CEP112: variants seen among roughly 807,000 people sequenced by gnomAD.
The protein encoded by CEP112 is centrosomal protein 112.
In CEP112, 127 loss-of-function variants were observed where a neutral mutation model predicts 153.0. The observed-to-expected ratio is 0.83, with a 90% CI of 0.72 to 0.96. CEP112 has a LOEUF of 0.96. CEP112 is among the 40% of genes least tolerant of loss of function. The pLI is 0.00. For missense variants in CEP112, 1,089 were observed against 1,101.2 expected, an observed-to-expected ratio of 0.99 and a Z score of 0.16; for synonymous variants, 358 against 374.4, an observed-to-expected ratio of 0.96 and a Z score of 0.51.
chr17:65,987,407 T>C (rs1468951952), intron 17 of CEP112, among the ~76,000 whole-genome samples: 4 of 151,078 alleles, frequency 2.6e-5, no homozygotes, highest in Middle Eastern at 3.4e-3. Flanking sequence ...ACTAGAAATA[T>C]GAAAGAATGA....
At chr17:66,152,840 T>C (rs546303067) in intron 4 of CEP112, among the ~76,000 whole-genome samples, 4 of 152,288 alleles carry the variant, frequency 2.6e-5, no homozygotes, top group Admixed American at 2.6e-4. Flanking sequence ...GCTTGGCCCA[T>C]TGTATGTTGG....
chr17:65,840,853 C>G (rs2057489215), intron 21 of CEP112, among the ~76,000 whole-genome samples: 1 of 151,994 alleles, frequency 6.6e-6, no homozygotes, highest in South Asian at 2.1e-4. Flanking sequence ...TCTGAACAGA[C>G]ATTTTTCCAA....
chr17:65,986,913 TC>T (rs2063430299), intron 17 of CEP112, among the ~76,000 whole-genome samples: 1 of 152,020 alleles, frequency 6.6e-6, no homozygotes. Context: ...TATCAGAAAG[TC>T]CCTAGAAAAG....
intron 17 of CEP112, among the ~76,000 whole-genome samples, chr17:65,965,437 T>G (rs935549564): frequency 6.6e-6 from 1 of 152,032 alleles, no homozygotes; most frequent in Non-Finnish European, 1.5e-5. Context: ...GTGGCCTCAT[T>G]CAATGTAATT....
intron 24 of CEP112, among the ~76,000 whole-genome samples, chr17:65,677,501 C>T (rs191976381): frequency 1.3e-5 from 2 of 152,310 alleles, no homozygotes; most frequent in African/African-American, 4.8e-5. Flanking sequence ...AACAGGATAT[C>T]TACATGGAAC....
At chr17:65,875,388 T>C (rs1166481892) in intron 20 of CEP112, among the ~76,000 whole-genome samples, 1 of 152,094 alleles carries the variant, frequency 6.6e-6, no homozygotes, top group African/African-American at 2.4e-5. Flanking sequence ...ACCATTACAT[T>C]ATGACTTATG....
intron 18 of CEP112, among the ~76,000 whole-genome samples, chr17:65,936,429 A>G (rs2061309086): frequency 6.6e-6 from 1 of 152,182 alleles, no homozygotes; most frequent in Non-Finnish European, 1.5e-5. Flanking sequence ...CATAAGGCCA[A>G]TGTTACCCTG....
At chr17:66,156,124 T>G (rs1449852713) in intron 4 of CEP112, among the ~76,000 whole-genome samples, 3 of 152,078 alleles carry the variant, frequency 2.0e-5, no homozygotes, top group Non-Finnish European at 4.4e-5. Flanking sequence ...AGAAACCTCA[T>G]ACAGGAGAGC....
chr17:66,067,545 C>T (rs183301910), intron 9 of CEP112, among the ~76,000 whole-genome samples: 79 of 152,096 alleles, frequency 5.2e-4, no homozygotes, highest in African/African-American at 1.8e-3. Flanking sequence ...AATAGAAACT[C>T]GTAAAGAACC....
At chr17:66,005,610 G>A (rs2145441967) in intron 17 of CEP112, 80 bp downstream of exon 17, 1 of 1,495,872 alleles carries the variant, frequency 6.7e-7, no homozygotes, top group East Asian at 2.5e-5. Context: ...AAAATATAGT[G>A]TTTAGGTCCC....
chr17:65,916,904 T>G (rs560027335), intron 19 of CEP112, among the ~76,000 whole-genome samples: 1 of 152,002 alleles, frequency 6.6e-6, no homozygotes, highest in Admixed American at 6.5e-5. Context: ...TTAACCTAGA[T>G]GAGAACAGCT....
At chr17:66,125,357 G>A (rs2069794192) in intron 6 of CEP112, among the ~76,000 whole-genome samples, 2 of 152,046 alleles carry the variant, frequency 1.3e-5, no homozygotes. Context: ...CCATTGCGTA[G>A]TATGAAATGG....
intron 17 of CEP112, among the ~76,000 whole-genome samples, chr17:65,965,536 TC>T (rs66984979): frequency 0.055 from 8,051 of 145,566 alleles, 414 homozygotes; most frequent in African/African-American, 0.11. Context: ...TTTTTTTTTT[TC>T]TTTGAGACAG....
intron 17 of CEP112, among the ~76,000 whole-genome samples, chr17:65,973,874 TTAAA>T (rs1051022004): frequency 3.9e-5 from 6 of 152,188 alleles, no homozygotes; most frequent in African/African-American, 9.7e-5. Flanking sequence ...ACTGTATACT[TTAAA>T]TATGTGAAAT....
chr17:65,650,221 C>A (rs567114834), intron 24 of CEP112, among the ~76,000 whole-genome samples: 2 of 152,266 alleles, frequency 1.3e-5, no homozygotes, highest in South Asian at 4.2e-4. Flanking sequence ...ATGTTGGGGG[C>A]CCCTGCTCTG....
At chr17:65,669,648 A>C (rs1687138498) in intron 24 of CEP112, among the ~76,000 whole-genome samples, 4 of 152,362 alleles carry the variant, frequency 2.6e-5, no homozygotes, top group Admixed American at 1.3e-4. Context: ...TCATGCCTGT[A>C]ATCCCAGCAC....
chr17:65,637,301 G>A (rs1474583529), intron 25 of CEP112, 113 bp from the exon 26 acceptor site: 1 of 754,280 alleles, frequency 1.3e-6, no homozygotes, highest in Non-Finnish European at 2.3e-6. Context: ...ATAAAACTCA[G>A]AGGATTTGTT....
intron 21 of CEP112, among the ~76,000 whole-genome samples, chr17:65,756,257 T>C (rs2052258029): frequency 6.6e-6 from 1 of 151,792 alleles, no homozygotes; most frequent in South Asian, 2.1e-4. Context: ...TACAAAAAAA[T>C]TAGCTGGGCG....
chr17:65,848,743 T>C (rs1427086796), intron 21 of CEP112, among the ~76,000 whole-genome samples: 3 of 152,232 alleles, frequency 2.0e-5, no homozygotes, highest in Admixed American at 2.0e-4. Context: ...CTTAACTCAG[T>C]TCAGCTTCCT....
Sources: gnomAD v4.1 joint callset for allele counts (sites outside exome capture counted in the v4.1 genomes callset) on GRCh38, gnomAD v4.1.1 for gene constraint, MANE v1.5 for transcripts, NCBI Gene and HGNC (gene_info 2026-07-23, HGNC 2026-07-21) for gene names.